SUGCT: variants seen among roughly 807,000 people sequenced by gnomAD.
SUGCT encodes the protein succinyl-CoA:glutarate-CoA transferase.
In SUGCT, 41 loss-of-function variants were observed where a neutral mutation model predicts 55.0. That is an observed-to-expected ratio of 0.74 (90% CI 0.58 to 0.97). The LOEUF (loss-of-function observed/expected upper bound fraction) is 0.97, where lower values mean the gene tolerates loss of function less well. SUGCT is among the 50% of genes least tolerant of loss of function. The pLI, the probability that SUGCT is intolerant of heterozygous loss-of-function variation, is 0.00. For missense variants in SUGCT, 568 were observed against 547.8 expected (o/e 1.04, Z -0.37); for synonymous variants, 187 against 200.4 (o/e 0.93, Z 0.56).
intron 12 of SUGCT, among the ~76,000 whole-genome samples, chr7:40,503,912 G>A (rs6947887): frequency 0.25 from 38,202 of 151,996 alleles, 5,913 homozygotes; most frequent in African/African-American, 0.43. Flanking sequence ...GAATGCTGTT[G>A]TAACATAAAT....
intron 12 of SUGCT, among the ~76,000 whole-genome samples, chr7:40,696,670 T>C (rs1784947476): frequency 6.6e-6 from 1 of 152,200 alleles, no homozygotes; most frequent in African/African-American, 2.4e-5. Flanking sequence ...TAACTCTGTG[T>C]CTCTTTCTCT....
intron 12 of SUGCT, among the ~76,000 whole-genome samples, chr7:40,576,471 TGA>T: frequency 6.6e-6 from 1 of 152,310 alleles, no homozygotes; most frequent in Non-Finnish European, 1.5e-5. Flanking sequence ...TCCCATGCGT[TGA>T]GAGCAGGGAA....
chr7:40,480,704 A>G (rs1414321468), intron 11 of SUGCT, among the ~76,000 whole-genome samples: 1 of 152,078 alleles, frequency 6.6e-6, no homozygotes, highest in African/African-American at 2.4e-5. Flanking sequence ...TATAATTTTT[A>G]GTGTACACGT....
intron 13 of SUGCT, among the ~76,000 whole-genome samples, chr7:40,807,781 A>G (rs1284510099): frequency 6.6e-6 from 1 of 152,230 alleles, no homozygotes; most frequent in East Asian, 1.9e-4. Context: ...GTGAGGTCCC[A>G]CAATAGGTCA....
At chr7:40,409,039 C>T (rs1206938513) in intron 9 of SUGCT, among the ~76,000 whole-genome samples, 1 of 152,124 alleles carries the variant, frequency 6.6e-6, no homozygotes, top group Non-Finnish European at 1.5e-5. Flanking sequence ...CTTGCAGCTT[C>T]TACCTCCCAG....
chr7:40,443,298 C>A lies in SUGCT; in HGVS notation c.817-5989C>A, dbSNP rs147444056. Among the ~76,000 whole-genome samples the A allele has an allele frequency of 5.0e-3, 756 of 152,212 alleles. 5 individuals carry two copies. Among genetic ancestry groups the A allele is most frequent in the African/African-American group, 0.018 (728 of 41,546 alleles). On this transcript the variant is annotated intron_variant, in intron 9 of 13. Coordinates refer to ENST00000335693, the MANE Select transcript of SUGCT (RefSeq NM_001193313.2). ...TTTGAGATCCCTGAGGAATCACCAC[C>A]CTGTCTTCCACAATGGTTGAACTAG...
the SUGCT span, among the ~76,000 whole-genome samples, chr7:40,963,089 A>C: frequency 6.6e-6 from 1 of 152,156 alleles, no homozygotes; most frequent in Non-Finnish European, 1.5e-5. Context: ...GTACTTTCAC[A>C]TGTTGTCTCT....
intron 7 of SUGCT, among the ~76,000 whole-genome samples, chr7:40,242,916 TATATATATATATA>T (rs1789508032): frequency 4.0e-5 from 1 of 24,708 alleles, no homozygotes; most frequent in Non-Finnish European, 8.7e-5. Flanking sequence ...CATATATATA[TATATATATATATA>T]TATATTTTTT....
the SUGCT span, among the ~76,000 whole-genome samples, chr7:41,014,619 A>G: frequency 6.6e-6 from 1 of 152,212 alleles, no homozygotes; most frequent in Non-Finnish European, 1.5e-5. Context: ...CGGATCACCA[A>G]TGCTCTTTCT....
intron 6 of SUGCT, among the ~76,000 whole-genome samples, chr7:40,212,033 C>CA (rs1392080143): frequency 6.6e-6 from 1 of 151,802 alleles, no homozygotes; most frequent in African/African-American, 2.4e-5. Flanking sequence ...CCATGGATAC[C>CA]AAATACTCTA....
intron 12 of SUGCT, among the ~76,000 whole-genome samples, chr7:40,560,862 TCTG>T (rs1244676621): frequency 1.3e-5 from 2 of 152,244 alleles, no homozygotes; most frequent in East Asian, 3.8e-4. Context: ...TGTTTGCAAA[TCTG>T]CTGATTTTAC....
chr7:40,474,949 G>A (rs768924054), intron 11 of SUGCT, among the ~76,000 whole-genome samples: 1 of 152,074 alleles, frequency 6.6e-6, no homozygotes, highest in Non-Finnish European at 1.5e-5. Flanking sequence ...ATATTGTAGG[G>A]GTCTGCCAGG....
At chr7:40,739,552 T>G (rs1787354530) in intron 12 of SUGCT, among the ~76,000 whole-genome samples, 1 of 152,204 alleles carries the variant, frequency 6.6e-6, no homozygotes, top group Non-Finnish European at 1.5e-5. Context: ...ATTTTCCATT[T>G]AAATCTATGA....
chr7:40,510,033 G>A (rs974391884), intron 12 of SUGCT, among the ~76,000 whole-genome samples: 3 of 152,012 alleles, frequency 2.0e-5, no homozygotes, highest in African/African-American at 7.2e-5. Flanking sequence ...TAAAAGTTTA[G>A]ATATTTTGTA....
At chr7:40,820,958 G>A (rs555841848) in intron 13 of SUGCT, among the ~76,000 whole-genome samples, 3 of 152,254 alleles carry the variant, frequency 2.0e-5, no homozygotes, top group African/African-American at 7.2e-5. Context: ...AGTTTATTGA[G>A]AGTTTTTAGC....
chr7:40,707,346 T>C (rs1488609469), intron 12 of SUGCT, among the ~76,000 whole-genome samples: 2 of 152,096 alleles, frequency 1.3e-5, no homozygotes, highest in Non-Finnish European at 2.9e-5. Flanking sequence ...AATGAATGTA[T>C]ATGCGTGTTT....
At chr7:40,342,725 C>A (rs191876826) in intron 9 of SUGCT, among the ~76,000 whole-genome samples, 1 of 151,920 alleles carries the variant, frequency 6.6e-6, no homozygotes, top group Admixed American at 6.6e-5. Flanking sequence ...TCACTGCAAC[C>A]TCTGTCTCCC....
intron 8 of SUGCT, among the ~76,000 whole-genome samples, chr7:40,276,224 TG>T (rs1442468844): frequency 2.0e-5 from 3 of 152,130 alleles, no homozygotes; most frequent in Non-Finnish European, 4.4e-5. Flanking sequence ...TTCAAATGAG[TG>T]GTTTCACTCC....
At chr7:40,715,658 C>T (rs1284543535) in intron 12 of SUGCT, among the ~76,000 whole-genome samples, 6 of 152,192 alleles carry the variant, frequency 3.9e-5, no homozygotes, top group African/African-American at 9.7e-5. Context: ...CATATTCAAT[C>T]AGTTGCTGAG....
Sources: gnomAD v4.1 joint callset for allele counts (sites outside exome capture counted in the v4.1 genomes callset) on GRCh38, gnomAD v4.1.1 for gene constraint, MANE v1.5 for transcripts, NCBI Gene and HGNC (gene_info 2026-07-23, HGNC 2026-07-21) for gene names.